The following SOHLH2 variants were observed in gnomAD, a reference collection of about 807,000 sequenced individuals.
SOHLH2 encodes spermatogenesis and oogenesis specific basic helix-loop-helix 2, also known as spermatogenesis- and oogenesis-specific basic helix-loop-helix-containing protein 2.
Under a neutral mutation model 50.4 loss-of-function variants are expected in SOHLH2, and 22 were observed. The ratio of observed to expected loss-of-function variants is 0.44; its 90% CI spans 0.31 to 0.62. SOHLH2 has a LOEUF of 0.62. Ranked by LOEUF, SOHLH2 falls within the 20% of genes least tolerant of loss-of-function variation. The probability of loss-of-function intolerance (pLI) is 0.08; values close to 1 mark genes in which losing one functional copy is unlikely to be tolerated. For missense variants in SOHLH2, 412 were observed against 504.4 expected, an observed-to-expected ratio of 0.82 and a Z score of 1.76; for synonymous variants, 185 against 187.3, an observed-to-expected ratio of 0.99 and a Z score of 0.10.
At chr13:36,207,093 T>C (rs1868819517) in intron 1 of SOHLH2, among the ~76,000 whole-genome samples, 1 of 151,996 alleles carries the variant, frequency 6.6e-6, no homozygotes, top group Non-Finnish European at 1.5e-5. Context: ...CTTTTGTAAA[T>C]AGCTTTTAAT....
chr13:36,177,849 C>G (rs779173274), intron 6 of SOHLH2, among the ~76,000 whole-genome samples: 18 of 151,982 alleles, frequency 1.2e-4, no homozygotes, highest in South Asian at 6.2e-4. Context: ...AATATTTTCT[C>G]CCAATCTGCG....
At chr13:36,176,642 C>A (rs1326238729) in intron 6 of SOHLH2, among the ~76,000 whole-genome samples, 1 of 151,840 alleles carries the variant, frequency 6.6e-6, no homozygotes, top group Non-Finnish European at 1.5e-5. Flanking sequence ...AATATTTGTA[C>A]CTGAAACAAA....
intron 8 of SOHLH2, 109 bp from the exon 9 acceptor site, chr13:36,173,919 C>A: frequency 8.1e-7 from 1 of 1,236,942 alleles, no homozygotes; most frequent in South Asian, 1.4e-5. Context: ...ACTGATAAAG[C>A]CTCAACTATG....
intron 6 of SOHLH2, among the ~76,000 whole-genome samples, chr13:36,175,781 C>T (rs1887082602): frequency 6.6e-6 from 1 of 152,106 alleles, no homozygotes; most frequent in Admixed American, 6.5e-5. Flanking sequence ...GTGGTGTTCT[C>T]ACTGAGCTCT....
chr13:36,213,011 CTT>C (rs1293034602), intron 1 of SOHLH2, among the ~76,000 whole-genome samples: 2 of 152,222 alleles, frequency 1.3e-5, no homozygotes, highest in East Asian at 3.8e-4. Flanking sequence ...TTATGTCACT[CTT>C]ATCACCAGGA....
chr13:36,185,177 A>C (rs1460604717), intron 6 of SOHLH2, among the ~76,000 whole-genome samples: 1 of 152,114 alleles, frequency 6.6e-6, no homozygotes, highest in African/African-American at 2.4e-5. Context: ...TTTAAAAAGC[A>C]AAGTATAGAG....
chr13:36,194,829 T>C (rs1202211845), intron 2 of SOHLH2, among the ~76,000 whole-genome samples: 1 of 152,178 alleles, frequency 6.6e-6, no homozygotes, highest in African/African-American at 2.4e-5. Context: ...TATTAGCATG[T>C]GGTTACATAT....
At chr13:36,178,710 G>A (rs1023298733) in intron 6 of SOHLH2, among the ~76,000 whole-genome samples, 2 of 151,906 alleles carry the variant, frequency 1.3e-5, no homozygotes, top group South Asian at 4.2e-4. Context: ...TGAGAACTGA[G>A]ATCTTAACAA....
intron 6 of SOHLH2, among the ~76,000 whole-genome samples, chr13:36,184,609 G>C (rs1048021334): frequency 2.6e-5 from 4 of 151,798 alleles, no homozygotes; most frequent in African/African-American, 9.7e-5. Flanking sequence ...ACAGGCGCCT[G>C]CCACCACACC....
In SOHLH2 at chr13:36,193,802, A is replaced by G. The variant is rs1593950622; in HGVS notation, c.325+4T>C. ...AACAAATACTATATTTAGCAGGTAC[A>G]TACCTTTAAAATTTTCAGGGATTAT... On this transcript the variant is annotated splice_donor_region_variant and intron_variant, in intron 3 of 10. Coordinates refer to ENST00000379881, the MANE Select transcript of SOHLH2 (RefSeq NM_017826.3). 3.1e-6 allele frequency: 5 copies of G among 1,604,540 alleles called. No homozygotes were observed. In the Admixed American group the frequency reaches 8.7e-5, roughly 28 times the overall value.
intron 10 of SOHLH2, 40 bp from the exon 11 acceptor site, chr13:36,169,094 C>A (rs1453819671): frequency 6.3e-7 from 1 of 1,595,414 alleles, no homozygotes; most frequent in South Asian, 1.1e-5. Context: ...ATTGAATCCT[C>A]ACCCACTCTT....
chr13:36,186,777 A>G (rs1887431186), intron 6 of SOHLH2, among the ~76,000 whole-genome samples: 1 of 152,220 alleles, frequency 6.6e-6, no homozygotes, highest in Non-Finnish European at 1.5e-5. Flanking sequence ...ATATGTTCTA[A>G]TAAGAATGCG....
intron 1 of SOHLH2, among the ~76,000 whole-genome samples, chr13:36,206,867 A>G (rs950515051): frequency 5.3e-5 from 8 of 151,566 alleles, no homozygotes; most frequent in African/African-American, 1.9e-4. Flanking sequence ...TATTATATAA[A>G]TATATAACTA....
intron 9 of SOHLH2, among the ~76,000 whole-genome samples, chr13:36,172,677 T>C (rs1886994147): frequency 6.6e-6 from 1 of 152,238 alleles, no homozygotes; most frequent in Non-Finnish European, 1.5e-5. Context: ...TTTATTCATC[T>C]TTGTGTCCCC....
intron 1 of SOHLH2, among the ~76,000 whole-genome samples, chr13:36,206,927 G>GTA (rs998421136): frequency 4.0e-5 from 6 of 151,264 alleles, no homozygotes; most frequent in African/African-American, 1.5e-4. Context: ...TGTTATTAGT[G>GTA]TATATATATA....
intron 4 of SOHLH2, among the ~76,000 whole-genome samples, chr13:36,192,543 G>A (rs984731608): frequency 1.3e-5 from 2 of 152,154 alleles, no homozygotes; most frequent in Admixed American, 1.3e-4. Context: ...AAAAAGGACT[G>A]TTAAAGTAAA....
At chr13:36,213,201 G>T (rs539758304) in intron 1 of SOHLH2, among the ~76,000 whole-genome samples, 1 of 152,222 alleles carries the variant, frequency 6.6e-6, no homozygotes, top group East Asian at 1.9e-4. Flanking sequence ...ACTCTCTTAA[G>T]GGGAGGAAAC....
intron 9 of SOHLH2, among the ~76,000 whole-genome samples, chr13:36,173,034 C>T (rs561587683): frequency 4.6e-5 from 7 of 152,224 alleles, no homozygotes; most frequent in African/African-American, 1.4e-4. Context: ...TAGGCTTATA[C>T]GGCACATATA....
chr13:36,177,859 G>A (rs976296107), intron 6 of SOHLH2, among the ~76,000 whole-genome samples: 1 of 151,640 alleles, frequency 6.6e-6, no homozygotes, highest in South Asian at 2.1e-4. Flanking sequence ...CCCAATCTGC[G>A]GCTTTCGTAT....
Sources: allele counts gnomAD v4.1 joint callset (sites outside exome capture counted in the v4.1 genomes callset), GRCh38; gene constraint gnomAD v4.1.1; transcripts MANE v1.5; gene names NCBI Gene and HGNC (gene_info 2026-07-23, HGNC 2026-07-21).